COL5A3: variants seen among roughly 807,000 people sequenced by gnomAD.
The protein encoded by COL5A3 is collagen alpha-3(V) chain.
In COL5A3, 172 loss-of-function variants were observed where a neutral mutation model predicts 250.0. The ratio of observed to expected loss-of-function variants is 0.69; its 90% confidence interval spans 0.61 to 0.78. The LOEUF is 0.78. COL5A3 is among the 30% of genes least tolerant of loss of function. The probability of loss-of-function intolerance (pLI) is 0.00; values close to 1 mark genes in which losing one functional copy is unlikely to be tolerated. For synonymous variants in COL5A3, 937 were observed against 900.4 expected (o/e 1.04, Z -0.73); for missense variants, 2,340 against 2,334.4 (o/e 1.00, Z -0.05).
intron 6 of COL5A3, among the ~76,000 whole-genome samples, chr19:10,002,284 G>A (rs2087375096): frequency 6.6e-6 from 1 of 152,044 alleles, no homozygotes; most frequent in Non-Finnish European, 1.5e-5. Context: ...GGGGTTGGGG[G>A]GGTGTGGGAA....
chr19:9,974,893 G>GT (rs2086898456), intron 45 of COL5A3, among the ~76,000 whole-genome samples: 1 of 151,808 alleles, frequency 6.6e-6, no homozygotes, highest in Admixed American at 6.6e-5. Flanking sequence ...TTGTTTGTTT[G>GT]TTTTTGTTTT....
chr19:9,967,520 CACAT>C (rs1268645979), intron 61 of COL5A3, 120 bp from the exon 62 acceptor site: 1 of 716,964 alleles, frequency 1.4e-6, no homozygotes, highest in Non-Finnish European at 2.3e-6. Context: ...CTCACACACT[CACAT>C]ACACACTCAC....
intron 31 of COL5A3, among the ~76,000 whole-genome samples, chr19:9,983,897 G>A (rs576087154): frequency 6.7e-5 from 10 of 149,538 alleles, no homozygotes; most frequent in Admixed American, 6.0e-4. Context: ...AATGTAAAGG[G>A]AAATCACTGA....
At chr19:9,987,241 G>A (rs2087113553) in intron 27 of COL5A3, among the ~76,000 whole-genome samples, 1 of 152,198 alleles carries the variant, frequency 6.6e-6, no homozygotes, top group Non-Finnish European at 1.5e-5. Flanking sequence ...TCTGAGCTCA[G>A]CGGGCTACAA....
At chr19:10,003,310 T>A (rs1349389003) in intron 6 of COL5A3, among the ~76,000 whole-genome samples, 1 of 152,052 alleles carries the variant, frequency 6.6e-6, no homozygotes, top group Non-Finnish European at 1.5e-5. Flanking sequence ...GACTGGAGAT[T>A]GAGGGGGTCA....
Position 10,005,876 on chromosome 19 carries a change from G to A in COL5A3, c.357C>T (p.Gly119=). 1 of 1,613,882 alleles carries A rather than the reference G, an allele frequency of 6.2e-7. No homozygotes were observed. The highest frequency in any genetic ancestry group is 8.5e-7 in the Non-Finnish European group (1 of 1,180,006). ...IYDERGARQL[G]LALGPALGLL... ...GACCCAGCGCTGGCCCCAGTGCCAG[G>A]CCCAACTGCCGGGCACCCCTTTCAT... is the stretch of plus-strand genomic sequence containing the variant. The change falls in exon 3 of 67, where the codon GGC becomes GGT. Residue 119 remains glycine, a synonymous_variant. Transcript: ENST00000264828.
intron 1 of COL5A3, among the ~76,000 whole-genome samples, chr19:10,008,787 G>A (rs970995157): frequency 4.6e-5 from 7 of 152,192 alleles, no homozygotes; most frequent in Non-Finnish European, 7.3e-5. Flanking sequence ...GAGCTTGCAG[G>A]TGTGTCTGTG....
intron 11 of COL5A3, 75 bp downstream of exon 11, chr19:9,997,296 A>G: frequency 8.9e-7 from 1 of 1,129,704 alleles, no homozygotes; most frequent in Admixed American, 2.0e-5. Flanking sequence ...CCTCATATCT[A>G]TGTTCAGACT....
chr19:9,986,747 G>T lies in COL5A3; in HGVS notation c.2157C>A (p.Gly719=), dbSNP rs200811091. Residue 719 remains glycine (G), a synonymous_variant, in exon 28 of 67, where the codon GGC becomes GGA. Transcript: ENST00000264828. ...CTTTCTCCCCCTGGAGGCCCCGGTT[G>T]CCTGAAGTGCCCTGGAAAATAAAAA... is the stretch of plus-strand genomic sequence containing the variant. The part of the protein sequence containing the change: ...PGPRGVKGTS[G]NRGLQGEKGE... 3 of 1,607,508 alleles carry T rather than the reference G, an allele frequency of 1.9e-6. No individual in the cohort carries two copies. In the Admixed American group the frequency reaches 5.1e-5, roughly 27 times the overall value.
chr19:9,964,917 C>T (rs150316376), intron 64 of COL5A3, among the ~76,000 whole-genome samples: 3,372 of 130,360 alleles, frequency 0.026, 89 homozygotes, highest in East Asian at 0.12. Flanking sequence ...GGCATGGTGG[C>T]GCATGCCTGT....
intron 8 of COL5A3, among the ~76,000 whole-genome samples, chr19:9,999,276 G>T (rs2087319996): frequency 6.7e-6 from 1 of 149,226 alleles, no homozygotes; most frequent in South Asian, 2.1e-4. Flanking sequence ...CTGCAACCTC[G>T]ATCTCCTCAG....
At chr19:9,977,567 T>A in intron 42 of COL5A3, 27 bp downstream of exon 42, 5 of 1,545,680 alleles carry the variant, frequency 3.2e-6, no homozygotes, top group Non-Finnish European at 4.4e-6. Flanking sequence ...GAGGAGGCCC[T>A]AGGAATGGGA....
chr19:10,008,496 T>C (rs1282982515), intron 1 of COL5A3, among the ~76,000 whole-genome samples: 1 of 152,008 alleles, frequency 6.6e-6, no homozygotes. Flanking sequence ...TCCCCTGTGC[T>C]GGTCAGGGCC....
intron 16 of COL5A3, among the ~76,000 whole-genome samples, chr19:9,995,034 A>G (rs1029734319): frequency 2.6e-5 from 4 of 151,966 alleles, no homozygotes; most frequent in Admixed American, 1.3e-4. Context: ...CAGCCTCCCG[A>G]GTAGCTGGGA....
chr19:9,979,912 A>T lies in COL5A3; in HGVS notation c.2659-20T>A, dbSNP rs780331161. The T allele has an allele frequency of 3.0e-5, 47 of 1,570,898 alleles. No individual in the cohort carries two copies. The highest frequency in any genetic ancestry group is 7.7e-6 in the Non-Finnish European group (9 of 1,165,618). ...GTGACCCTGGGGGATGAGGTGGGAAAAAGTTGGGGCACAGATACAGGGCTT... is the reference window on the plus strand; with the variant it reads ...GTGACCCTGGGGGATGAGGTGGGAATAAGTTGGGGCACAGATACAGGGCTT... On this transcript the variant is annotated intron_variant, in intron 36 of 66. Transcript: ENST00000264828.
rs1265690610 is a variant in COL5A3 at position 9,966,760 on chromosome 19, A to T, written c.4459-14T>A. The T allele has an allele frequency of 4.0e-6, 6 of 1,511,714 alleles. No individual in the cohort carries two copies. Among genetic ancestry groups the T allele is most frequent in the African/African-American group, 1.4e-5 (1 of 72,372 alleles). 93.6% of individuals were successfully genotyped at this position (1,511,714 alleles called of 1,614,324 possible). A position where few individuals can be genotyped will look rare whatever the true frequency, so the allele number is the denominator to read the frequency against. The stretch of plus-strand genomic sequence containing the variant: ...GGCAGGGGCACCCTGGGCGTAGGGG[A>T]TGGGGACGGAGAAGAGAGGGGAGAT... On this transcript the variant is annotated splice_polypyrimidine_tract_variant and intron_variant, in intron 62 of 66. Transcript: ENST00000264828.
At chr19:9,977,148 T>C in intron 44 of COL5A3, 81 bp downstream of exon 44, 3 of 1,366,628 alleles carry the variant, frequency 2.2e-6, no homozygotes, top group South Asian at 1.2e-5. Flanking sequence ...TCCTACCCCA[T>C]GGAGAATGAT....
At chr19:9,998,907 A>C (rs1470727112) in intron 8 of COL5A3, among the ~76,000 whole-genome samples, 2 of 148,188 alleles carry the variant, frequency 1.3e-5, no homozygotes, top group Non-Finnish European at 3.0e-5. Flanking sequence ...CTGGTCTCGA[A>C]CTCCTGACTT....
chr19:9,968,678 T>C lies in COL5A3; in HGVS notation c.4203A>G (p.Glu1401=). The C allele has an allele frequency of 6.2e-7, 1 of 1,607,068 alleles. No individual in the cohort carries two copies. Among genetic ancestry groups the C allele is most frequent in the Non-Finnish European group, 8.5e-7 (1 of 1,177,364 alleles). ...AATAATGGAATGATGTCCTTACCTTTTCCCCCTTGGGGCCAGTGTCTCCCT... is the reference window on the plus strand; with the variant it reads ...AATAATGGAATGATGTCCTTACCTTCTCCCCCTTGGGGCCAGTGTCTCCCT... ...GLKGDTGPKG[E]KGHIGLIGLI... is the part of the protein sequence containing the mutation. The change falls in exon 58 of 67, where the codon GAA becomes GAG. Residue 1401 remains glutamate, a synonymous_variant. Transcript: ENST00000264828. The surrounding 1 kb of genome is among the most constrained non-coding windows in gnomAD (Gnocchi z 4.1).
Sources: allele counts gnomAD v4.1 joint callset (sites outside exome capture counted in the v4.1 genomes callset), GRCh38; gene constraint gnomAD v4.1.1; non-coding constraint Gnocchi (gnomAD v3.1); transcripts MANE v1.5; gene names NCBI Gene and HGNC (gene_info 2026-07-23, HGNC 2026-07-21).